Variants in AFF2 observed in about 807,000 individuals in gnomAD.
The protein encoded by AFF2 is ALF transcription elongation factor 2.
AFF2 carries 14 observed loss-of-function variants against 76.9 expected under a neutral mutation model. The ratio of observed to expected loss-of-function variants is 0.18; its 90% CI spans 0.12 to 0.28. The LOEUF (loss-of-function observed/expected upper bound fraction) is 0.28. Ranked by LOEUF, AFF2 falls within the 10% of genes least tolerant of loss-of-function variation. The pLI is 1.00. For synonymous variants in AFF2, 398 were observed against 366.7 expected, an observed-to-expected ratio of 1.09 and a Z score of -0.98; for missense variants, 868 against 1,001.1, an observed-to-expected ratio of 0.87 and a Z score of 1.79.
intron 1 of AFF2, among the ~76,000 whole-genome samples, chrX:148,594,373 A>G (rs2053550944): frequency 8.9e-6 from 1 of 112,460 alleles, no homozygotes; most frequent in Admixed American, 9.4e-5. Flanking sequence ...CATCAGGCAC[A>G]TAATTCATGT....
intron 7 of AFF2, among the ~76,000 whole-genome samples, chrX:148,856,042 C>T (rs2070783055): frequency 1.8e-5 from 2 of 111,507 alleles, no homozygotes; most frequent in South Asian, 7.6e-4. Flanking sequence ...CAGAGGTCTC[C>T]AGTTGGAGAA....
chrX:148,923,417 A>G (rs1357093852), intron 9 of AFF2, among the ~76,000 whole-genome samples: 1 of 111,813 alleles, frequency 8.9e-6, no homozygotes, highest in Non-Finnish European at 1.9e-5. Flanking sequence ...TCTGAAAGCC[A>G]AAAGCGTCTT....
chrX:148,933,696 G>A (rs147180746), intron 9 of AFF2, among the ~76,000 whole-genome samples: 3 of 111,989 alleles, frequency 2.7e-5, no homozygotes, highest in Non-Finnish European at 5.6e-5. Context: ...TGAGCACTTG[G>A]AAAGGTGGTA....
At chrX:148,691,973 C>A (rs1311189523) in intron 3 of AFF2, among the ~76,000 whole-genome samples, 1 of 110,586 alleles carries the variant, frequency 9.0e-6, no homozygotes, top group Admixed American at 9.7e-5. Flanking sequence ...CAGAAATATT[C>A]ATTTTACCTA....
chrX:148,934,389 T>C (rs1208160132), intron 9 of AFF2, among the ~76,000 whole-genome samples: 3 of 111,640 alleles, frequency 2.7e-5, no homozygotes, highest in Non-Finnish European at 5.6e-5. Context: ...AGAGCTGGAT[T>C]AGTAAATCTT....
rs979363740 is a variant in AFF2, at chrX:148,967,525, G to A, written c.3204-104G>A. ...ACAGCATTAGTCTGCCTTTTTCAAG[G>A]CATTATATGGGAATAAATTTATAGC... On this transcript the variant is annotated intron_variant, in intron 14 of 20. Coordinates refer to ENST00000370460, the MANE Select transcript of AFF2 (RefSeq NM_002025.4). 18 of 745,318 alleles carry A rather than the reference G, an allele frequency of 2.4e-5. No homozygotes were observed. In the South Asian group the frequency reaches 4.7e-4, roughly 19 times the overall value. The allele number at this position is 745,318 out of a possible 1,213,427, so 61.4% of individuals were successfully genotyped here.
chrX:148,919,914 C>T (rs2071574288), intron 9 of AFF2, among the ~76,000 whole-genome samples: 2 of 112,483 alleles, frequency 1.8e-5, no homozygotes, highest in Non-Finnish European at 3.8e-5. Flanking sequence ...TGGACACAAT[C>T]ATGCTCAGTC....
At chrX:148,831,350 C>T (rs1405040325) in intron 4 of AFF2, among the ~76,000 whole-genome samples, 1 of 112,087 alleles carries the variant, frequency 8.9e-6, no homozygotes, top group East Asian at 2.8e-4. Flanking sequence ...TGATAAATGT[C>T]CATTAAATCT....
intron 9 of AFF2, among the ~76,000 whole-genome samples, chrX:148,926,382 A>G (rs933035685): frequency 8.9e-6 from 1 of 111,916 alleles, no homozygotes; most frequent in Non-Finnish European, 1.9e-5. Context: ...GTCTCTTCTG[A>G]GATGAAAAGG....
intron 3 of AFF2, among the ~76,000 whole-genome samples, chrX:148,691,808 A>G (rs2054653873): frequency 9.0e-6 from 1 of 111,643 alleles, no homozygotes; most frequent in African/African-American, 3.3e-5. Flanking sequence ...GATGGCTGAC[A>G]TTACTAATTG....
chrX:148,662,460 G>A lies in AFF2; in HGVS notation c.733G>A (p.Ala245Thr), dbSNP rs147842224. 17 of 1,210,222 alleles carry A rather than the reference G, an allele frequency of 1.4e-5. No individual in the cohort carries two copies. The highest frequency in any genetic ancestry group is 1.4e-4 in the African/African-American group (8 of 57,269). The change falls in exon 3 of 21, where the codon GCC (alanine) becomes ACC (threonine). Residue 245 changes from alanine to threonine, a missense_variant. Ala to Thr is a moderately conservative substitution (Grantham distance 58, BLOSUM62 0). This residue lies in a region of AFF2 where 196 missense variants were observed against 194.8 expected (regional missense o/e 1.01). Transcript: ENST00000370460. Reference protein sequence around the residue: ...QSNSPEESEFAVQAPGSPLVA... With the variant: ...QSNSPEESEFTVQAPGSPLVA... Reference sequence around the variant, plus strand: ...CAATTCACCGGAAGAATCTGAATTCGCCGTGCAAGCGCCTGGGTCTCCCCT... The same window carrying A: ...CAATTCACCGGAAGAATCTGAATTCACCGTGCAAGCGCCTGGGTCTCCCCT...
intron 9 of AFF2, among the ~76,000 whole-genome samples, chrX:148,920,764 A>T (rs782269324): frequency 2.7e-4 from 30 of 110,876 alleles, no homozygotes; most frequent in Non-Finnish European, 5.5e-4. Context: ...TGGGGGACAT[A>T]GTTTATTGTT....
At chrX:148,931,039 G>A (rs921104767) in intron 9 of AFF2, among the ~76,000 whole-genome samples, 2 of 110,662 alleles carry the variant, frequency 1.8e-5, no homozygotes, top group Admixed American at 9.6e-5. Context: ...GATCACGTGA[G>A]GTCAGGAGAT....
intron 4 of AFF2, among the ~76,000 whole-genome samples, chrX:148,818,324 T>C (rs782374140): frequency 4.5e-5 from 5 of 111,869 alleles, no homozygotes; most frequent in East Asian, 2.8e-4. Context: ...AACTATAAGA[T>C]GTAATGGGCA....
At chrX:148,705,972 G>A (rs1173965920) in intron 3 of AFF2, among the ~76,000 whole-genome samples, 1 of 111,754 alleles carries the variant, frequency 8.9e-6, no homozygotes, top group Non-Finnish European at 1.9e-5. Flanking sequence ...ATGCAATCCT[G>A]GGGCTCTATA....
chrX:148,855,634 T>C (rs1557275837), intron 7 of AFF2, among the ~76,000 whole-genome samples: 1 of 112,124 alleles, frequency 8.9e-6, no homozygotes, highest in Non-Finnish European at 1.9e-5. Flanking sequence ...TATAAATGCA[T>C]GCATGTGTGC....
chrX:148,624,644 A>T (rs1256329006), intron 1 of AFF2, among the ~76,000 whole-genome samples: 1 of 112,208 alleles, frequency 8.9e-6, no homozygotes, highest in Non-Finnish European at 1.9e-5. Context: ...TTTTGTTTAC[A>T]TATCATTAGT....
chrX:148,797,400 C>T (rs1371102947), intron 3 of AFF2, among the ~76,000 whole-genome samples: 1 of 111,837 alleles, frequency 8.9e-6, no homozygotes, highest in Non-Finnish European at 1.9e-5. Context: ...CTAAAGGAAT[C>T]CTGAGGGCAG....
At chrX:148,825,496 ACTCT>A (rs1557272900) in intron 4 of AFF2, among the ~76,000 whole-genome samples, 1 of 109,602 alleles carries the variant, frequency 9.1e-6, no homozygotes, top group East Asian at 2.9e-4. Context: ...CCCTTCACAG[ACTCT>A]CTATCTGATT....
Sources: allele counts gnomAD v4.1 joint callset (sites outside exome capture counted in the v4.1 genomes callset), GRCh38; gene constraint gnomAD v4.1.1; regional missense constraint gnomAD v4.1.1; transcripts MANE v1.5; gene names NCBI Gene and HGNC (gene_info 2026-07-23, HGNC 2026-07-21).